Variants in ANTXR1 observed in about 807,000 individuals in gnomAD.
ANTXR1 encodes anthrax toxin receptor 1.
Under a neutral mutation model 78.1 loss-of-function variants are expected in ANTXR1, and 19 were observed. The ratio of observed to expected loss-of-function variants is 0.24; its 90% CI spans 0.17 to 0.36. The LOEUF (loss-of-function observed/expected upper bound fraction) is 0.36. ANTXR1 is among the 10% of genes least tolerant of loss of function. The probability of loss-of-function intolerance (pLI) is 1.00; values close to 1 mark genes in which losing one functional copy is unlikely to be tolerated. For synonymous variants in ANTXR1, 273 were observed against 260.5 expected (o/e 1.05, Z -0.46); for missense variants, 518 against 718.6 (o/e 0.72, Z 3.19).
At chr2:69,128,523 A>G (rs926507884) in intron 12 of ANTXR1, among the ~76,000 whole-genome samples, 1 of 152,164 alleles carries the variant, frequency 6.6e-6, no homozygotes. Flanking sequence ...CCGGGGGTAC[A>G]TGTTTATCAC....
chr2:69,205,074 AGTGG>A (rs1674863411), intron 17 of ANTXR1, among the ~76,000 whole-genome samples: 2 of 152,188 alleles, frequency 1.3e-5, no homozygotes, highest in Non-Finnish European at 2.9e-5. Context: ...TGTACACTGG[AGTGG>A]TCAGAAAAGA....
intron 12 of ANTXR1, among the ~76,000 whole-genome samples, chr2:69,149,939 C>T (rs545008663): frequency 2.4e-4 from 37 of 152,330 alleles, no homozygotes; most frequent in African/African-American, 8.9e-4. Flanking sequence ...AGCATCCCGT[C>T]GGCCATGGCA....
In ANTXR1 at chr2:69,077,400, G is replaced by A. The variant is rs534387351; in HGVS notation, c.562-8G>A. ...CCCCATGTGTTTGTGTATTTGCTGT[G>A]TTCTCAGCTGGCCCGGATTGCGGAC... On this transcript the variant is annotated splice_region_variant and splice_polypyrimidine_tract_variant and intron_variant, in intron 7 of 17. Coordinates refer to ENST00000303714, the MANE Select transcript of ANTXR1 (RefSeq NM_032208.3). 3.5e-5 allele frequency: 56 copies of A among 1,614,120 alleles called. 2 individuals are homozygous for A. The South Asian group carries it at 4.6e-4, about 13-fold the overall frequency.
In ANTXR1 at chr2:69,077,533, C is replaced by T. The variant is rs528853881; in HGVS notation, c.642+45C>T. 185 of 1,587,212 alleles carry T rather than the reference C, an allele frequency of 1.2e-4. 2 individuals carry two copies. In the South Asian group the frequency reaches 1.4e-3, roughly 12 times the overall value. ...TGAGACTAGACATTCAGGCACCTTCCGTCTCTGATCTGCTATTAATACCCC... is the reference window on the plus strand; with the variant it reads ...TGAGACTAGACATTCAGGCACCTTCTGTCTCTGATCTGCTATTAATACCCC... On this transcript the variant is annotated intron_variant, in intron 8 of 17. Coordinates refer to ENST00000303714, the MANE Select transcript of ANTXR1 (RefSeq NM_032208.3).
intron 6 of ANTXR1, among the ~76,000 whole-genome samples, chr2:69,073,937 T>A (rs977407977): frequency 2.6e-5 from 4 of 152,232 alleles, no homozygotes; most frequent in Non-Finnish European, 5.9e-5. Context: ...AGCATCACAC[T>A]TTCCTCAAGC....
intron 16 of ANTXR1, among the ~76,000 whole-genome samples, chr2:69,183,574 G>GTTTTTTTTTT (rs55898655): frequency 1.8e-5 from 2 of 109,286 alleles, no homozygotes; most frequent in Non-Finnish European, 4.0e-5. Flanking sequence ...GCTAATTTTT[G>GTTTTTTTTTT]TTTTTTTTTT....
At chr2:69,134,933 A>AT (rs528470440) in intron 12 of ANTXR1, 42 of 308,178 alleles carry the variant, frequency 1.4e-4, no homozygotes, top group South Asian at 1.9e-4. Flanking sequence ...AACTCAAGGT[A>AT]TTTTTTTTAC....
intron 17 of ANTXR1, among the ~76,000 whole-genome samples, chr2:69,219,615 T>A (rs76770582): frequency 0.044 from 6,630 of 152,316 alleles, 505 homozygotes; most frequent in African/African-American, 0.15. Flanking sequence ...CAAGTTCATT[T>A]TCTTTGTGTA....
intron 10 of ANTXR1, among the ~76,000 whole-genome samples, chr2:69,110,952 T>C (rs1488548822): frequency 1.3e-5 from 2 of 152,182 alleles, no homozygotes; most frequent in Non-Finnish European, 2.9e-5. Flanking sequence ...AAGATACTCA[T>C]CAAAATGTTA....
chr2:69,182,877 G>T (rs1181036612), intron 16 of ANTXR1: 6 of 618,936 alleles, frequency 9.7e-6, no homozygotes, highest in Non-Finnish European at 1.4e-5. Flanking sequence ...AATCACCGTG[G>T]TGCTCACTTC....
At chr2:69,029,313 G>T (rs1267702977) in intron 1 of ANTXR1, among the ~76,000 whole-genome samples, 4 of 147,704 alleles carry the variant, frequency 2.7e-5, no homozygotes, top group Non-Finnish European at 4.5e-5. Context: ...ATATATATTA[G>T]ATATATATAG....
chr2:69,076,011 T>TCTCAGCCCACTGCAGCGTCTGC (rs1462583843), intron 7 of ANTXR1, among the ~76,000 whole-genome samples: 1 of 152,166 alleles, frequency 6.6e-6, no homozygotes, highest in East Asian at 1.9e-4. Context: ...CAGTGAGCTG[T>TCTCAGCCCACTGCAGCGTCTGC]CTCAGCCCAC....
intron 17 of ANTXR1, among the ~76,000 whole-genome samples, chr2:69,224,427 T>C (rs1454525565): frequency 6.6e-6 from 1 of 152,214 alleles, no homozygotes; most frequent in African/African-American, 2.4e-5. Flanking sequence ...ATGGGAAGAA[T>C]GAAGTACCAT....
At position 69,069,931 on chromosome 2, in the gene ANTXR1, C is replaced by T. The variant is rs58434120; in HGVS notation, c.297-716C>T. On this transcript the variant is annotated intron_variant, in intron 3 of 17. Transcript: ENST00000303714. ...GAGTCAGAAATTTTACTTTATTGCCCTTTTTGGCACAATATGGAGCTATTT... is the reference window on the plus strand; with the variant it reads ...GAGTCAGAAATTTTACTTTATTGCCTTTTTTGGCACAATATGGAGCTATTT... Among the ~76,000 whole-genome samples the T allele has an allele frequency of 6.9e-3, 1,045 of 152,190 alleles. 9 individuals carry two copies. The highest frequency in any genetic ancestry group is 0.024 in the African/African-American group (1,003 of 41,510).
chr2:69,138,803 G>C (rs886220865), intron 12 of ANTXR1, among the ~76,000 whole-genome samples: 1 of 152,172 alleles, frequency 6.6e-6, no homozygotes, highest in African/African-American at 2.4e-5. Flanking sequence ...ATATTACTGA[G>C]TTTCTTTTCA....
At chr2:69,145,330 T>C (rs1405668914) in intron 12 of ANTXR1, 2 of 1,595,038 alleles carry the variant, frequency 1.3e-6, no homozygotes, top group African/African-American at 1.3e-5. Flanking sequence ...TTAAAGAGCC[T>C]CCACAAAATT....
intron 3 of ANTXR1, among the ~76,000 whole-genome samples, chr2:69,063,103 G>A (rs960662279): frequency 6.6e-6 from 1 of 152,110 alleles, no homozygotes; most frequent in Non-Finnish European, 1.5e-5. Context: ...ACTTATGGGA[G>A]AATATCAAGT....
intron 1 of ANTXR1, 62 bp from the exon 2 acceptor site, chr2:69,039,982 A>G: frequency 7.3e-7 from 1 of 1,366,998 alleles, no homozygotes; most frequent in Non-Finnish European, 1.0e-6. Context: ...GTGAAGATAA[A>G]TAATACAAGG....
chr2:69,041,788 C>A (rs532504193), intron 2 of ANTXR1, among the ~76,000 whole-genome samples: 1 of 152,246 alleles, frequency 6.6e-6, no homozygotes, highest in East Asian at 1.9e-4. Context: ...AATCCAATTC[C>A]CTTGCTTTAT....
Sources: allele counts gnomAD v4.1 joint callset (sites outside exome capture counted in the v4.1 genomes callset), GRCh38; gene constraint gnomAD v4.1.1; transcripts MANE v1.5; gene names NCBI Gene and HGNC (gene_info 2026-07-23, HGNC 2026-07-21).